The following CGGBP1 variants were observed in gnomAD, a reference collection of about 807,000 sequenced individuals.
CGGBP1 encodes CGG triplet repeat binding protein 1.
In CGGBP1, 4 loss-of-function variants were observed where a neutral mutation model predicts 11.4. That is an observed-to-expected ratio of 0.35 (90% CI 0.17 to 0.80). CGGBP1 has a LOEUF of 0.80. CGGBP1 is among the 30% of genes least tolerant of loss of function. The pLI, the probability that CGGBP1 is intolerant of heterozygous loss-of-function variation, is 0.52. For missense variants in CGGBP1, 135 were observed against 202.1 expected (o/e 0.67, Z 2.01); for synonymous variants, 76 against 74.1 (o/e 1.03, Z -0.13).
At chr3:88,102,225 T>G (rs1349689361) in intron 2 of CGGBP1, among the ~76,000 whole-genome samples, 2 of 152,144 alleles carry the variant, frequency 1.3e-5, no homozygotes, top group Non-Finnish European at 2.9e-5. Flanking sequence ...GGGCTTACAA[T>G]TTTTGTCAGC....
At chr3:88,140,198 G>A (rs1460363266) in intron 2 of CGGBP1, 1 of 1,613,626 alleles carries the variant, frequency 6.2e-7, no homozygotes, top group Non-Finnish European at 8.5e-7. Flanking sequence ...GGATATTTCA[G>A]GCTCAGTGTA....
intron 2 of CGGBP1, among the ~76,000 whole-genome samples, chr3:88,087,484 G>C (rs1708397318): frequency 6.6e-6 from 1 of 152,114 alleles, no homozygotes; most frequent in African/African-American, 2.4e-5. Context: ...TAAAATTATA[G>C]TAAAGAAGTA....
intron 2 of CGGBP1, among the ~76,000 whole-genome samples, chr3:88,129,321 T>TAAA (rs11370327): frequency 5.7e-4 from 44 of 76,882 alleles, no homozygotes; most frequent in East Asian, 7.9e-4. Flanking sequence ...TTGCCAGGAG[T>TAAA]AAAAAAAAAA....
In CGGBP1 at chr3:88,140,670, A is replaced by G. The variant is rs374370953; in HGVS notation, c.-229+300T>C. 9 of 1,613,662 alleles carry G rather than the reference A, an allele frequency of 5.6e-6. No individual in the cohort carries two copies. Among genetic ancestry groups the G allele is most frequent in the Non-Finnish European group, 5.1e-6 (6 of 1,179,760 alleles). Reference sequence around the variant, plus strand: ...TCCTGCTTTGAAAATTGATACAAACAGAATCAGGACAGAAAATGGTTCCAT... The same window carrying G: ...TCCTGCTTTGAAAATTGATACAAACGGAATCAGGACAGAAAATGGTTCCAT... On this transcript the variant is annotated intron_variant, in intron 2 of 3. Coordinates refer to the CGGBP1 transcript ENST00000462901.
intron 2 of CGGBP1, among the ~76,000 whole-genome samples, chr3:88,109,070 T>C (rs1050492794): frequency 1.5e-4 from 23 of 151,814 alleles, no homozygotes; most frequent in Admixed American, 1.5e-3. Flanking sequence ...GGTTAGGTGC[T>C]ATCCGTGGTT....
intron 2 of CGGBP1, among the ~76,000 whole-genome samples, chr3:88,125,443 AC>A (rs1488218776): frequency 6.6e-6 from 1 of 152,164 alleles, no homozygotes; most frequent in African/African-American, 2.4e-5. Flanking sequence ...TTTTTTAAAA[AC>A]CTAGAAAATG....
intron 2 of CGGBP1, among the ~76,000 whole-genome samples, chr3:88,117,871 T>A (rs4488864): frequency 0.78 from 118,688 of 151,512 alleles, 47,399 homozygotes; most frequent in South Asian, 0.91. Context: ...ATAGAGAAAG[T>A]TGTTAAGTTT....
intron 2 of CGGBP1, chr3:88,129,067 C>CAAAA: frequency 9.7e-7 from 1 of 1,036,212 alleles, no homozygotes; most frequent in Non-Finnish European, 1.3e-6. Context: ...AAAAAAAAAC[C>CAAAA]AAAAAAAAAA....
At chr3:88,091,827 T>A (rs933264451) in intron 2 of CGGBP1, among the ~76,000 whole-genome samples, 6 of 152,200 alleles carry the variant, frequency 3.9e-5, no homozygotes, top group African/African-American at 1.2e-4. Flanking sequence ...CTTCGCCTTC[T>A]GCTGTGATTG....
chr3:88,117,920 C>G (rs1464714768), intron 2 of CGGBP1, among the ~76,000 whole-genome samples: 1 of 147,064 alleles, frequency 6.8e-6, no homozygotes, highest in Non-Finnish European at 1.5e-5. Context: ...CTGGAACTTA[C>G]CAGTACTATT....
In CGGBP1 at chr3:88,052,401, G is replaced by A. The variant is rs1063603; in HGVS notation, c.*3072C>T. On this transcript the variant is annotated 3_prime_UTR_variant, in exon 4 of 4. Coordinates refer to ENST00000482016, the MANE Select transcript of CGGBP1 (RefSeq NM_001008390.2). ...TTTGTCCTCATTTAACGGTAGCTGG[G>A]GTAAGTCAAACCACAGAGAGCCCTT... 119,518 of 152,558 alleles carry A rather than the reference G, an allele frequency of 0.78. 47,733 individuals carry two copies. The highest frequency in any genetic ancestry group is 0.91 in the South Asian group (4,387 of 4,828). The allele number at this position is 152,558 out of a possible 1,614,324, so 9.5% of individuals were successfully genotyped here. A position where few individuals can be genotyped will look rare whatever the true frequency, so the allele number is the denominator to read the frequency against.
intron 2 of CGGBP1, among the ~76,000 whole-genome samples, chr3:88,136,615 T>C (rs1193312870): frequency 6.6e-6 from 1 of 152,190 alleles, no homozygotes; most frequent in Non-Finnish European, 1.5e-5. Flanking sequence ...TTATTTGTTT[T>C]TCACAACCAT....
At chr3:88,139,674 C>T (rs966806392) in intron 2 of CGGBP1, 1 of 1,605,362 alleles carries the variant, frequency 6.2e-7, no homozygotes, top group Non-Finnish European at 8.5e-7. Flanking sequence ...CATAAGTGTA[C>T]CAGAAGATGT....
intron 2 of CGGBP1, among the ~76,000 whole-genome samples, chr3:88,066,314 C>T (rs569809893): frequency 1.3e-5 from 2 of 152,314 alleles, no homozygotes; most frequent in Admixed American, 6.5e-5. Flanking sequence ...TGGCTCACAC[C>T]TGTAATTCCA....
intron 1 of CGGBP1, among the ~76,000 whole-genome samples, chr3:88,145,068 A>G (rs1444696812): frequency 1.8e-5 from 1 of 55,506 alleles, no homozygotes; most frequent in Admixed American, 2.2e-4. Context: ...TGGAACTTAA[A>G]AAAACAAAGA....
rs1706493913 is a variant in CGGBP1 at position 88,054,409 on chromosome 3, TCC to T, written c.*1062_*1063del. On this transcript the variant is annotated 3_prime_UTR_variant, in exon 4 of 4. Coordinates refer to ENST00000482016, the MANE Select transcript of CGGBP1 (RefSeq NM_001008390.2). The stretch of plus-strand genomic sequence containing the variant: ...AAGTTATGCAGGATACTGCCAGATC[TCC>T]AATACAAAAAACCTGCCAGAATTTC... 6.6e-6 allele frequency: 1 copy of T among 152,090 alleles called. No individual in the cohort carries two copies. The highest frequency in any genetic ancestry group is 1.5e-5 in the Non-Finnish European group (1 of 68,004). The allele number at this position is 152,090 out of a possible 1,614,324, so 9.4% of individuals were successfully genotyped here.
At chr3:88,071,790 G>C (rs774757969) in intron 2 of CGGBP1, among the ~76,000 whole-genome samples, 60 of 152,118 alleles carry the variant, frequency 3.9e-4, no homozygotes, top group Non-Finnish European at 5.3e-4. Context: ...GGCGACAAGA[G>C]TGAGACTCCG....
intron 2 of CGGBP1, among the ~76,000 whole-genome samples, chr3:88,131,722 A>T (rs1198778533): frequency 6.6e-6 from 1 of 152,048 alleles, no homozygotes; most frequent in Non-Finnish European, 1.5e-5. Flanking sequence ...TTCCTTCTAA[A>T]TAGCGTGGGT....
chr3:88,092,412 A>C (rs1362224011), intron 2 of CGGBP1, among the ~76,000 whole-genome samples: 1 of 152,156 alleles, frequency 6.6e-6, no homozygotes, highest in African/African-American at 2.4e-5. Context: ...TTAGGAGAGA[A>C]TTACAGAATG....
Sources: allele counts gnomAD v4.1 joint callset (sites outside exome capture counted in the v4.1 genomes callset), GRCh38; gene constraint gnomAD v4.1.1; transcripts MANE v1.5; gene names NCBI Gene and HGNC (gene_info 2026-07-23, HGNC 2026-07-21).